SAMD10: variants seen among roughly 807,000 people sequenced by gnomAD.
SAMD10 encodes the protein sterile alpha motif domain-containing protein 10.
Under a neutral mutation model 22.5 loss-of-function variants are expected in SAMD10, and 16 were observed. That is an observed-to-expected ratio of 0.71 (90% CI 0.48 to 1.08). The LOEUF (loss-of-function observed/expected upper bound fraction) is 1.08. Ranked by LOEUF, SAMD10 falls within the 50% of genes least tolerant of loss-of-function variation. The probability of loss-of-function intolerance (pLI) is 0.00; values close to 1 mark genes in which losing one functional copy is unlikely to be tolerated. For missense variants in SAMD10, 227 were observed against 281.3 expected, an observed-to-expected ratio of 0.81 and a Z score of 1.38; for synonymous variants, 118 against 122.2, an observed-to-expected ratio of 0.97 and a Z score of 0.23.
chr20:63,977,312 G>A lies in SAMD10; in HGVS notation c.186C>T (p.Ser62=). 1 of 1,613,536 alleles carries A rather than the reference G, an allele frequency of 6.2e-7. No homozygotes were observed. Among genetic ancestry groups the A allele is most frequent in the Non-Finnish European group, 8.5e-7 (1 of 1,180,034 alleles). The part of the protein sequence containing the change: ...PCHLPRTPGT[S]LTWHDSRSQR... ...GGCTGCGGGAGTCATGCCACGTGAG[G>A]CTGGTGCCAGGTGTCCGAGGCAAGT... Residue 62 remains serine (S), a synonymous_variant, in exon 2 of 5, where the codon AGC becomes AGT. Transcript: ENST00000369886. This position sits in a 1 kb window ranked among gnomAD's most constrained non-coding sequence, Gnocchi z 5.4.
Position 63,975,661 on chromosome 20 carries a change from C to A in SAMD10, c.586+31G>T, listed in dbSNP as rs530113902. 1.9e-6 allele frequency: 3 copies of A among 1,577,902 alleles called. No homozygotes were observed. In the South Asian group the frequency reaches 3.4e-5, roughly 18 times the overall value. On this transcript the variant is annotated intron_variant, in intron 4 of 4. Coordinates refer to ENST00000369886, the MANE Select transcript of SAMD10 (RefSeq NM_080621.5). Reference sequence around the variant, plus strand: ...ACACTCAGAGGGGCTTCTCCATCAGCCCCCAGGCCTCTCTGGCACCTCACA... The same window carrying A: ...ACACTCAGAGGGGCTTCTCCATCAGACCCCAGGCCTCTCTGGCACCTCACA...
chr20:63,979,410 G>A lies in SAMD10; in HGVS notation c.58C>T (p.Arg20Cys), dbSNP rs2059048310. 3 of 1,485,398 alleles carry A rather than the reference G, an allele frequency of 2.0e-6. No homozygotes were observed. Among genetic ancestry groups the A allele is most frequent in the East Asian group, 2.9e-5 (1 of 34,280 alleles). The allele number at this position is 1,485,398 out of a possible 1,614,324, so 92.0% of individuals were successfully genotyped here. A position where few individuals can be genotyped will look rare whatever the true frequency, so the allele number is the denominator to read the frequency against. The change falls in exon 1 of 5, where the codon CGC becomes TGC. Residue 20 changes from arginine (R) to cysteine (C), a missense_variant. Physicochemically the swap from Arg to Cys is radical, Grantham distance 180. Transcript: ENST00000369886. The surrounding 1 kb of genome is among the most constrained non-coding windows in gnomAD (Gnocchi z 7.7). ...SPPRGRAGAV[R>C]AGFGERRDVD... ...TCCCGGCGCTCCCCGAAGCCCGCGC[G>A]CACGGCCCCGGCGCGGCCACGCGGG...
intron 1 of SAMD10, among the ~76,000 whole-genome samples, chr20:63,978,603 G>A (rs923916392): frequency 5.3e-5 from 8 of 152,184 alleles, no homozygotes; most frequent in Admixed American, 3.3e-4. Context: ...GTCCTCCCAC[G>A]CCTGTAAGAC....
At chr20:63,976,819 T>C (rs2059026331) in intron 3 of SAMD10, 152 bp downstream of exon 3, 1 of 593,470 alleles carries the variant, frequency 1.7e-6, no homozygotes, top group Admixed American at 3.1e-5. Context: ...AAAAGACAGA[T>C]TCTGCGGAGA....
chr20:63,975,518 T>G lies in SAMD10; in HGVS notation c.601A>C (p.Met201Leu). ...TCAAGCCTCAGCAGCAGCTAGGACA[T>G]TTTCCCGAAGGAAGCTGTGTGATGG... is the stretch of plus-strand genomic sequence containing the variant. ...QLLSQASFGK[M>L]S The change falls in exon 5 of 5, where the codon ATG becomes CTG. Residue 201 changes from methionine (M) to leucine (L), a missense_variant. By Grantham distance (15) the Met-to-Leu change is conservative. Transcript: ENST00000369886. 1.2e-6 allele frequency: 2 copies of G among 1,607,496 alleles called. No individual in the cohort carries two copies. The highest frequency in any genetic ancestry group is 2.2e-5 in the South Asian group (2 of 90,262).
chr20:63,979,425 G>A lies in SAMD10; in HGVS notation c.43C>T (p.Arg15Cys), dbSNP rs1400634413. 14 of 1,477,710 alleles carry A rather than the reference G, an allele frequency of 9.5e-6. No homozygotes were observed. The highest frequency in any genetic ancestry group is 1.2e-5 in the Non-Finnish European group (14 of 1,120,644). 91.5% of individuals were successfully genotyped at this position (1,477,710 alleles called of 1,614,324 possible). A position where few individuals can be genotyped will look rare whatever the true frequency, so the allele number is the denominator to read the frequency against. The change falls in exon 1 of 5, where the codon CGC becomes TGC. Residue 15 changes from arginine (R) to cysteine (C), a missense_variant. Coordinates refer to ENST00000369886, the MANE Select transcript of SAMD10 (RefSeq NM_080621.5). The surrounding 1 kb of genome is among the most constrained non-coding windows in gnomAD (Gnocchi z 7.7). ...LRSKLSPPRG[R>C]AGAVRAGFGE... ...AAGCCCGCGCGCACGGCCCCGGCGCGGCCACGCGGGGGGCTCAGCTTGGAC... is the reference window on the plus strand; with the variant it reads ...AAGCCCGCGCGCACGGCCCCGGCGCAGCCACGCGGGGGGCTCAGCTTGGAC...
At position 63,975,135 on chromosome 20, in the gene SAMD10, G is replaced by C; in HGVS notation, c.*375C>G. 1 of 288,724 alleles carries C rather than the reference G, an allele frequency of 3.5e-6. No homozygotes were observed. The highest frequency in any genetic ancestry group is 6.6e-6 in the Non-Finnish European group (1 of 151,970). 17.9% of individuals were successfully genotyped at this position (288,724 alleles called of 1,614,324 possible). On this transcript the variant is annotated 3_prime_UTR_variant, in exon 5 of 5. Coordinates refer to ENST00000369886, the MANE Select transcript of SAMD10 (RefSeq NM_080621.5). ...ACAAGTGACTCAGCAGGCGATGGGG[G>C]ACCGACATCACGTGGAGAGGGGAAT...
Position 63,975,257 on chromosome 20 carries a change from G to T in SAMD10, c.*253C>A. 1.9e-6 allele frequency: 1 copy of T among 532,386 alleles called. No homozygotes were observed. The highest frequency in any genetic ancestry group is 2.4e-5 in the South Asian group (1 of 41,438). The allele number at this position is 532,386 out of a possible 1,614,324, so 33.0% of individuals were successfully genotyped here. ...CATGCTGCCAGCTGCACCAGGGGAG[G>T]GCTTGGGCTCAGGTCCCAGGAGGTG... On this transcript the variant is annotated 3_prime_UTR_variant, in exon 5 of 5. Transcript: ENST00000369886.
At chr20:63,975,590 G>T in intron 4 of SAMD10, 58 bp from the exon 5 acceptor site, 1 of 1,588,008 alleles carries the variant, frequency 6.3e-7, no homozygotes, top group Non-Finnish European at 8.6e-7. Flanking sequence ...CTGCATTAGG[G>T]CGCTTACTGG....
chr20:63,979,394 T>C lies in SAMD10; in HGVS notation c.74A>G (p.Glu25Gly). ...CCGCTCACCGTCCACATCCCGGCGCTCCCCGAAGCCCGCGCGCACGGCCCC... is the reference window on the plus strand; with the variant it reads ...CCGCTCACCGTCCACATCCCGGCGCCCCCCGAAGCCCGCGCGCACGGCCCC... ...RAGAVRAGFGERRDVDATAHF... is the reference protein window; with the variant it reads ...RAGAVRAGFGGRRDVDATAHF... Residue 25 changes from glutamate (E) to glycine (G), a missense_variant, in exon 1 of 5, where the codon GAG (glutamate) becomes GGG (glycine). By Grantham distance (98) the Glu-to-Gly change is moderately conservative (BLOSUM62 -2). Coordinates refer to ENST00000369886, the MANE Select transcript of SAMD10 (RefSeq NM_080621.5). This position sits in a 1 kb window ranked among gnomAD's most constrained non-coding sequence, Gnocchi z 7.7. 2 of 1,479,460 alleles carry C rather than the reference T, an allele frequency of 1.4e-6. No homozygotes were observed. Among genetic ancestry groups the C allele is most frequent in the African/African-American group, 1.5e-5 (1 of 65,070 alleles). 91.6% of individuals were successfully genotyped at this position (1,479,460 alleles called of 1,614,324 possible).
intron 1 of SAMD10, among the ~76,000 whole-genome samples, chr20:63,978,793 G>T (rs2059041958): frequency 6.6e-6 from 1 of 152,226 alleles, no homozygotes; most frequent in African/African-American, 2.4e-5. Context: ...CAGCGGACAG[G>T]CGCCGTGGTC....
rs1209526530 is a variant in SAMD10, at chr20:63,975,647, G to GGC, written c.586+43_586+44dup. ...GGTCATCCCACCCCACACTCAGAGGGGCTTCTCCATCAGCCCCCAGGCCTC... is the reference window on the plus strand; with the variant it reads ...GGTCATCCCACCCCACACTCAGAGGGGCGCTTCTCCATCAGCCCCCAGGCCTC... On this transcript the variant is annotated intron_variant, in intron 4 of 4. Coordinates refer to ENST00000369886, the MANE Select transcript of SAMD10 (RefSeq NM_080621.5). The GGC allele has an allele frequency of 2.5e-6, 4 of 1,576,856 alleles. No individual in the cohort carries two copies. In the East Asian group the frequency reaches 9.2e-5, roughly 36 times the overall value.
Position 63,975,726 on chromosome 20 carries a change from A to T in SAMD10, c.552T>A (p.Arg184=). 6.2e-7 allele frequency: 1 copy of T among 1,606,436 alleles called. No homozygotes were observed. The highest frequency in any genetic ancestry group is 8.5e-7 in the Non-Finnish European group (1 of 1,178,910). The change falls in exon 4 of 5, where the codon CGT becomes CGA. Residue 184 remains arginine, a synonymous_variant. Transcript: ENST00000369886. ...VLQQVLRLQV[R]EEGRSLQLLS... ...GCAGCTGCAGGCTCCGCCCCTCCTC[A>T]CGCACCTGCAGGCGGAGCACCTGCT...
rs562174193 is a variant in SAMD10, at chr20:63,977,232, G to A, written c.266C>T (p.Thr89Ile). The change falls in exon 2 of 5, where the codon ACC becomes ATC. Residue 89 changes from threonine (T) to isoleucine (I), a missense_variant. Physicochemically the swap from Thr to Ile is moderately conservative, Grantham distance 89. Coordinates refer to ENST00000369886, the MANE Select transcript of SAMD10 (RefSeq NM_080621.5). The surrounding 1 kb of genome is among the most constrained non-coding windows in gnomAD (Gnocchi z 5.4). ...GGTGGAGTGGGTGGGTACCTGGGGG[G>A]TGTCTGTGCCGGGCTGCTGCAGGAG... ...IKLLQQPGTD[T>I]PQGRLYSDHY... 3.1e-6 allele frequency: 5 copies of A among 1,613,536 alleles called. No individual in the cohort carries two copies. Among genetic ancestry groups the A allele is most frequent in the Non-Finnish European group, 4.2e-6 (5 of 1,179,950 alleles).
At chr20:63,976,443 CAG>C (rs918378037) in intron 3 of SAMD10, among the ~76,000 whole-genome samples, 1 of 151,792 alleles carries the variant, frequency 6.6e-6, no homozygotes, top group African/African-American at 2.4e-5. Context: ...GAAGACAGCA[CAG>C]AGAGATGGGA....
Position 63,979,549 on chromosome 20 carries a change from GCCGCC to G in SAMD10, c.-87_-83del, listed in dbSNP as rs892609361. 756 of 997,204 alleles carry G rather than the reference GCCGCC, an allele frequency of 7.6e-4. 2 individuals are homozygous for G. The Middle Eastern group carries it at 0.011, about 14-fold the overall frequency. 61.8% of individuals were successfully genotyped at this position (997,204 alleles called of 1,614,324 possible). ...GTGTGGCCGGCGGGGAACGCGCGCC[GCCGCC>G]CCGCCCCGCCCCAGCCGGCCCCGCG... On this transcript the variant is annotated 5_prime_UTR_variant, in exon 1 of 5. Transcript: ENST00000369886. This position sits in a 1 kb window ranked among gnomAD's most constrained non-coding sequence, Gnocchi z 7.7.
chr20:63,978,210 T>G, intron 1 of SAMD10: 1 of 796,018 alleles, frequency 1.3e-6, no homozygotes, highest in Non-Finnish European at 1.9e-6. Context: ...GTGTTTCATC[T>G]GAGCTTTGTC....
At chr20:63,978,396 CCT>C (rs1238974353) in intron 1 of SAMD10, 10 of 958,514 alleles carry the variant, frequency 1.0e-5, no homozygotes, top group East Asian at 1.2e-4. Context: ...CAGGCCTGCC[CCT>C]GTCTTTACAG....
upstream of SAMD10, chr20:63,979,748 C>G (rs2059051625): frequency 1.1e-6 from 1 of 937,798 alleles, no homozygotes. This position sits in a 1 kb window ranked among gnomAD's most constrained non-coding sequence, Gnocchi z 7.7. Flanking sequence ...CTGGGCACGG[C>G]TCCGCGGAGG....
Sources: gnomAD v4.1 joint callset for allele counts (sites outside exome capture counted in the v4.1 genomes callset) on GRCh38, gnomAD v4.1.1 for gene constraint, Gnocchi (gnomAD v3.1) non-coding constraint, MANE v1.5 for transcripts, NCBI Gene and HGNC (gene_info 2026-07-23, HGNC 2026-07-21) for gene names.